Variants in ZNF518B observed in about 807,000 individuals in gnomAD.
ZNF518B encodes zinc finger protein 518B.
A neutral mutation model predicts 56.3 loss-of-function variants in ZNF518B; 23 were observed. The observed-to-expected ratio is 0.41, with a 90% confidence interval of 0.29 to 0.58. The LOEUF is 0.58. Ranked by LOEUF, ZNF518B falls within the 20% of genes least tolerant of loss-of-function variation. The pLI, the probability that ZNF518B is intolerant of heterozygous loss-of-function variation, is 0.32. For synonymous variants in ZNF518B, 529 were observed against 465.9 expected (o/e 1.14, Z -1.74); for missense variants, 1,460 against 1,272.1 (o/e 1.15, Z -2.25).
rs1358513138 is a variant in ZNF518B at position 10,446,535 on chromosome 4, TA to T, written c.-208del. 1.9e-6 allele frequency: 1 copy of T among 524,202 alleles called. No individual in the cohort carries two copies. The highest frequency in any genetic ancestry group is 1.9e-5 in the African/African-American group (1 of 52,936). 32.5% of individuals were successfully genotyped at this position (524,202 alleles called of 1,614,324 possible). A position where few individuals can be genotyped will look rare whatever the true frequency, so the allele number is the denominator to read the frequency against. ...GCTTTCAGCTCTCTGACATTCCAGG[TA>T]ACACTAAAGGAAAACAAAATTATAA... On this transcript the variant is annotated 5_prime_UTR_variant, in exon 3 of 3. It introduces an in-frame stop codon into an upstream open reading frame of the 5' UTR. Coordinates refer to ENST00000326756, the MANE Select transcript of ZNF518B (RefSeq NM_053042.3).
chr4:10,444,600 T>A lies in ZNF518B; in HGVS notation c.1729A>T (p.Thr577Ser). ...GTTGAAACTGCCTTGTGTTCCTCTG[T>A]CTGGTTATCTTCCTGCTTCCTATTA... ...SSNRKQEDNQ[T>S]EEHKAVSTVG... The change falls in exon 3 of 3, where the codon ACA becomes TCA. Residue 577 changes from threonine to serine, a missense_variant. Transcript: ENST00000326756. 1 of 1,614,182 alleles carries A rather than the reference T, an allele frequency of 6.2e-7. No homozygotes were observed. Among genetic ancestry groups the A allele is most frequent in the Non-Finnish European group, 8.5e-7 (1 of 1,180,032 alleles).
At chr4:10,458,496 A>C (rs1255896379), upstream of ZNF518B, among the ~76,000 whole-genome samples, 3 of 152,190 alleles carry the variant, frequency 2.0e-5, no homozygotes, top group Non-Finnish European at 4.4e-5. Context: ...AGGCTCAGCC[A>C]CAAGTCCAGC....
intron 2 of ZNF518B, among the ~76,000 whole-genome samples, chr4:10,448,230 A>T (rs1715154166): frequency 6.6e-6 from 1 of 152,210 alleles, no homozygotes; most frequent in African/African-American, 2.4e-5. Context: ...TCCTTCTCCA[A>T]GTGTCAAGAG....
chr4:10,448,922 G>A (rs542287792), intron 2 of ZNF518B, among the ~76,000 whole-genome samples: 1 of 152,236 alleles, frequency 6.6e-6, no homozygotes, highest in South Asian at 2.1e-4. Flanking sequence ...GATTTCTGCT[G>A]CTCATCAAGT....
Position 10,443,959 on chromosome 4 carries a change from T to C in ZNF518B, c.2370A>G (p.Ile790Met), listed in dbSNP as rs1253612666. The change falls in exon 3 of 3, where the codon ATA becomes ATG. Residue 790 changes from isoleucine (I) to methionine (M), a missense_variant. Physicochemically the swap from Ile to Met is conservative, Grantham distance 10. Transcript: ENST00000326756. The stretch of plus-strand genomic sequence containing the variant: ...TGACAGGTGCTTCACATGTAGCCTC[T>C]ATGATGTGGGCATTCTCAGAGGAAT... ...VLNSSENAHI[I>M]EATCEAPVSI... is the part of the protein sequence containing the mutation. 6 of 1,614,116 alleles carry C rather than the reference T, an allele frequency of 3.7e-6. No individual in the cohort carries two copies. The African/African-American group carries it at 8.0e-5, about 22-fold the overall frequency.
rs959307942 is a variant in ZNF518B, at chr4:10,445,828, G to A, written c.501C>T (p.Cys167=). Residue 167 remains cysteine (C), a synonymous_variant, in exon 3 of 3, where the codon TGC becomes TGT. Coordinates refer to ENST00000326756, the MANE Select transcript of ZNF518B (RefSeq NM_053042.3). ...HEEIKFICSH[C]SYISYTKGEF... ...CTCCTTTCGTATACGAAATGTAGCT[G>A]CAGTGAGAACAAATGAATTTAATCT... The A allele has an allele frequency of 6.2e-6, 10 of 1,614,222 alleles. No homozygotes were observed. The highest frequency in any genetic ancestry group is 8.5e-6 in the Non-Finnish European group (10 of 1,180,032).
chr4:10,440,876 A>T lies in ZNF518B; in HGVS notation c.*2228T>A, dbSNP rs987202851. 3.9e-5 allele frequency: 6 copies of T among 152,508 alleles called. No homozygotes were observed. The highest frequency in any genetic ancestry group is 1.4e-4 in the African/African-American group (6 of 41,396). The allele number at this position is 152,508 out of a possible 1,614,324, so 9.4% of individuals were successfully genotyped here. A position where few individuals can be genotyped will look rare whatever the true frequency, so the allele number is the denominator to read the frequency against. Reference sequence around the variant, plus strand: ...AGTGGCAAACAAAACAAAACAAAAAAAAACCACAGCCTTTTCTTCACTCCT... The same window carrying T: ...AGTGGCAAACAAAACAAAACAAAAATAAACCACAGCCTTTTCTTCACTCCT... On this transcript the variant is annotated 3_prime_UTR_variant, in exon 3 of 3. Coordinates refer to ENST00000326756, the MANE Select transcript of ZNF518B (RefSeq NM_053042.3).
intron 2 of ZNF518B, chr4:10,451,622 C>G (rs1715315624): frequency 1.3e-5 from 2 of 152,278 alleles, no homozygotes; most frequent in South Asian, 4.1e-4. Flanking sequence ...TCTTAGCTGC[C>G]TAATTAACTG....
rs1714691548 is a variant in ZNF518B at position 10,441,768 on chromosome 4, A to G, written c.*1336T>C. 1 of 152,118 alleles carries G rather than the reference A, an allele frequency of 6.6e-6. No homozygotes were observed. The highest frequency in any genetic ancestry group is 2.1e-4 in the South Asian group (1 of 4,816). The allele number at this position is 152,118 out of a possible 1,614,324, so 9.4% of individuals were successfully genotyped here. On this transcript the variant is annotated 3_prime_UTR_variant, in exon 3 of 3. Transcript: ENST00000326756. ...TCTAAAGAACACAAATGTGTAGATA[A>G]ATGACAGTCCTGACATCTGTTGGTA...
In ZNF518B at chr4:10,457,423, G is replaced by GCCCGCGCCAGC. The variant is rs1482608543; in HGVS notation, c.-503_-502insGCTGGCGCGGG. ...TGTAGGTCCCTACCCGGGGGGCGGA[G>GCCCGCGCCAGC]CCCGCGCCAGCCCCGCGCGTGCGCA... On this transcript the variant is annotated 5_prime_UTR_variant, in exon 1 of 3. Coordinates refer to ENST00000326756, the MANE Select transcript of ZNF518B (RefSeq NM_053042.3). The GCCCGCGCCAGC allele has an allele frequency of 6.6e-6, 1 of 151,916 alleles. No individual in the cohort carries two copies. The highest frequency in any genetic ancestry group is 6.6e-5 in the Admixed American group (1 of 15,266). 9.4% of individuals were successfully genotyped at this position (151,916 alleles called of 1,614,324 possible). A position where few individuals can be genotyped will look rare whatever the true frequency, so the allele number is the denominator to read the frequency against.
In ZNF518B at chr4:10,443,794, A is replaced by C. The variant is rs762495366; in HGVS notation, c.2535T>G (p.Pro845=). The change falls in exon 3 of 3, where the codon CCT becomes CCG. Residue 845 remains proline, a synonymous_variant. Coordinates refer to ENST00000326756, the MANE Select transcript of ZNF518B (RefSeq NM_053042.3). The stretch of plus-strand genomic sequence containing the variant: ...AGACAGCACTCTCTTTTCTCAGTTT[A>C]GGCCGCAGAGGTGTCTCGATATTTG... ...MSPNIETPLR[P]KLRKESAVCS... The C allele has an allele frequency of 6.2e-7, 1 of 1,614,178 alleles. No individual in the cohort carries two copies. The highest frequency in any genetic ancestry group is 2.2e-5 in the East Asian group (1 of 44,884).
upstream of ZNF518B, among the ~76,000 whole-genome samples, chr4:10,457,737 C>T (rs1715612615): frequency 6.6e-6 from 1 of 152,226 alleles, no homozygotes; most frequent in African/African-American, 2.4e-5. Context: ...GCGCCTGCCT[C>T]CCTGGAGCCT....
chr4:10,455,831 A>G (rs1715502985), intron 1 of ZNF518B, among the ~76,000 whole-genome samples: 1 of 152,260 alleles, frequency 6.6e-6, no homozygotes, highest in Admixed American at 6.5e-5. Context: ...TAAAAATTGC[A>G]TCCTAGTTAA....
chr4:10,443,662 A>G lies in ZNF518B; in HGVS notation c.2667T>C (p.Asn889=). 1 of 1,613,960 alleles carries G rather than the reference A, an allele frequency of 6.2e-7. No individual in the cohort carries two copies. Among genetic ancestry groups the G allele is most frequent in the Non-Finnish European group, 8.5e-7 (1 of 1,179,952 alleles). Residue 889 remains asparagine, a synonymous_variant, in exon 3 of 3, where the codon AAT becomes AAC. Transcript: ENST00000326756. ...LLSRSLSISR[N]KTKQVHLSRK... Reference sequence around the variant, plus strand: ...TGGATAAGTGTACTTGTTTGGTTTTATTTCTACTTATAGAAAGACTTCTGG... The same window carrying G: ...TGGATAAGTGTACTTGTTTGGTTTTGTTTCTACTTATAGAAAGACTTCTGG...
In ZNF518B at chr4:10,441,520, T is replaced by C. The variant is rs1714681351; in HGVS notation, c.*1584A>G. 1 of 152,262 alleles carries C rather than the reference T, an allele frequency of 6.6e-6. No individual in the cohort carries two copies. Among genetic ancestry groups the C allele is most frequent in the African/African-American group, 2.4e-5 (1 of 41,272 alleles). The allele number at this position is 152,262 out of a possible 1,614,324, so 9.4% of individuals were successfully genotyped here. ...GTGTCTTTTTCAGGTGCAACAACTC[T>C]TTAGTTTCATTCACTGCACCCCACA... On this transcript the variant is annotated 3_prime_UTR_variant, in exon 3 of 3. Transcript: ENST00000326756.
At chr4:10,456,251 G>A (rs1412251956) in intron 1 of ZNF518B, among the ~76,000 whole-genome samples, 2 of 151,748 alleles carry the variant, frequency 1.3e-5, no homozygotes, top group East Asian at 3.9e-4. Context: ...TAAAGTCAGA[G>A]GTATTGTAAC....
chr4:10,453,014 A>T (rs1301470731), intron 2 of ZNF518B: 1 of 152,258 alleles, frequency 6.6e-6, no homozygotes, highest in Non-Finnish European at 1.5e-5. Flanking sequence ...CACAGTAGAG[A>T]ATAATGACCT....
upstream of ZNF518B, among the ~76,000 whole-genome samples, chr4:10,460,116 C>T (rs1351814039): frequency 6.6e-6 from 1 of 151,562 alleles, no homozygotes. Flanking sequence ...AACAGCCTGG[C>T]CAACATGGTG....
At chr4:10,456,420 C>T (rs970826196) in intron 1 of ZNF518B, among the ~76,000 whole-genome samples, 1 of 152,140 alleles carries the variant, frequency 6.6e-6, no homozygotes, top group African/African-American at 2.4e-5. Flanking sequence ...ATAAGACGGG[C>T]AGGCCGGTAT....
Sources: gnomAD v4.1 joint callset for allele counts (sites outside exome capture counted in the v4.1 genomes callset) on GRCh38, gnomAD v4.1.1 for gene constraint, MANE v1.5 for transcripts, NCBI Gene and HGNC (gene_info 2026-07-23, HGNC 2026-07-21) for gene names.